GALNT13: variants seen among roughly 807,000 people sequenced by gnomAD.
GALNT13 encodes the protein polypeptide N-acetylgalactosaminyltransferase 13, also known as UDP-GalNAc:polypeptide N-acetylgalactosaminyltransferase 13.
In GALNT13, 28 loss-of-function variants were observed where a neutral mutation model predicts 64.2. That is an observed-to-expected ratio of 0.44 (90% CI 0.32 to 0.60). The LOEUF (loss-of-function observed/expected upper bound fraction) is 0.60, where lower values mean the gene tolerates loss of function less well. Among genes scored for constraint, GALNT13 ranks in the 20% least tolerant of loss-of-function variants. The pLI, the probability that GALNT13 is intolerant of heterozygous loss-of-function variation, is 0.05. For synonymous variants in GALNT13, 214 were observed against 224.6 expected (o/e 0.95, Z 0.42); for missense variants, 577 against 669.8 (o/e 0.86, Z 1.53).
At chr2:153,488,817 A>T in the GALNT13 span, among the ~76,000 whole-genome samples, 1 of 152,178 alleles carries the variant, frequency 6.6e-6, no homozygotes, top group African/African-American at 2.4e-5. Context: ...TGAGGCCCTT[A>T]AAAGGTGATT....
the GALNT13 span, among the ~76,000 whole-genome samples, chr2:153,482,600 G>T: frequency 6.6e-6 from 1 of 152,176 alleles, no homozygotes; most frequent in Non-Finnish European, 1.5e-5. Context: ...CTCCTGAGGA[G>T]CTGGGCTTAC....
At chr2:154,445,325 T>C (rs955873373) in intron 12 of GALNT13, among the ~76,000 whole-genome samples, 4 of 151,958 alleles carry the variant, frequency 2.6e-5, no homozygotes, top group African/African-American at 9.7e-5. Context: ...GCAAAATCAT[T>C]TTGTTTTTGT....
the GALNT13 span, among the ~76,000 whole-genome samples, chr2:153,487,357 C>T: frequency 8.5e-5 from 13 of 152,202 alleles, no homozygotes; most frequent in South Asian, 1.2e-3. Context: ...TGATGGATGT[C>T]GTTGGGCCAG....
At chr2:153,292,902 C>T in the GALNT13 span, among the ~76,000 whole-genome samples, 1 of 152,106 alleles carries the variant, frequency 6.6e-6, no homozygotes, top group Non-Finnish European at 1.5e-5. Context: ...TAATCACTAG[C>T]ACATTTATGC....
At chr2:154,200,735 C>T (rs1037175217) in intron 4 of GALNT13, among the ~76,000 whole-genome samples, 23 of 152,266 alleles carry the variant, frequency 1.5e-4, no homozygotes, top group African/African-American at 5.3e-4. Flanking sequence ...TACCTGATCA[C>T]CTCTTACACA....
chr2:153,478,651 G>T, the GALNT13 span: 2 of 1,133,042 alleles, frequency 1.8e-6, no homozygotes, highest in Non-Finnish European at 2.5e-6. Flanking sequence ...CGGGCTGAGC[G>T]CTCACTCGCA....
chr2:154,435,337 T>TTAGAAATATTTTAACTCA (rs1183819416), intron 11 of GALNT13, among the ~76,000 whole-genome samples: 1 of 152,154 alleles, frequency 6.6e-6, no homozygotes, highest in Non-Finnish European at 1.5e-5. Context: ...GGTGTGCAGG[T>TTAGAAATATTTTAACTCA]TAGAAATATT....
intron 4 of GALNT13, among the ~76,000 whole-genome samples, chr2:154,190,999 T>G (rs1242425302): frequency 1.3e-5 from 2 of 152,186 alleles, no homozygotes; most frequent in Non-Finnish European, 2.9e-5. Context: ...TTTCAAATGC[T>G]CAATAGCCAC....
the GALNT13 span, among the ~76,000 whole-genome samples, chr2:153,501,555 C>T: frequency 6.6e-6 from 1 of 152,128 alleles, no homozygotes; most frequent in Non-Finnish European, 1.5e-5. Context: ...TGGTCTCAAA[C>T]TCCTGACCTT....
chr2:154,284,421 T>G (rs1040634854), intron 8 of GALNT13, among the ~76,000 whole-genome samples: 1 of 152,058 alleles, frequency 6.6e-6, no homozygotes, highest in African/African-American at 2.4e-5. Context: ...CCATCCATAT[T>G]ATCACAAATA....
chr2:153,303,875 G>T, the GALNT13 span, among the ~76,000 whole-genome samples: 1 of 152,110 alleles, frequency 6.6e-6, no homozygotes, highest in African/African-American at 2.4e-5. Context: ...TGCTGCTTTT[G>T]TAGGAATTGT....
chr2:154,014,941 T>C (rs1369383054), intron 3 of GALNT13, among the ~76,000 whole-genome samples: 1 of 152,244 alleles, frequency 6.6e-6, no homozygotes. Flanking sequence ...CTCTGATAAT[T>C]CTCTTTATCT....
the GALNT13 span, among the ~76,000 whole-genome samples, chr2:153,171,398 CTAAT>C: frequency 1.3e-5 from 2 of 152,012 alleles, no homozygotes; most frequent in Non-Finnish European, 2.9e-5. Context: ...CTATATTAAA[CTAAT>C]TAACATTAAA....
At chr2:154,137,510 TATGACC>T (rs1683024220) in intron 3 of GALNT13, among the ~76,000 whole-genome samples, 2 of 152,314 alleles carry the variant, frequency 1.3e-5, no homozygotes, top group African/African-American at 4.8e-5. Context: ...GGACACTGTT[TATGACC>T]ATTTTAATTT....
At chr2:153,461,793 A>C in the GALNT13 span, among the ~76,000 whole-genome samples, 1 of 152,082 alleles carries the variant, frequency 6.6e-6, no homozygotes, top group Non-Finnish European at 1.5e-5. Flanking sequence ...GCCACAATGG[A>C]AAGATAAGAA....
At position 153,951,983 on chromosome 2, in the gene GALNT13, A is replaced by C. The variant is rs534746568; in HGVS notation, c.142+7344A>C. Among the ~76,000 whole-genome samples the C allele has an allele frequency of 9.9e-5, 15 of 152,070 alleles. No individual in the cohort carries two copies. In the East Asian group the frequency reaches 2.3e-3, roughly 24 times the overall value. Reference sequence around the variant, plus strand: ...TATTAGATACAGACCCATGAATGCTATTTGTTTTTCTGTTTTTTAAAGGAC... The same window carrying C: ...TATTAGATACAGACCCATGAATGCTCTTTGTTTTTCTGTTTTTTAAAGGAC... On this transcript the variant is annotated intron_variant, in intron 3 of 12. Coordinates refer to ENST00000392825, the MANE Select transcript of GALNT13 (RefSeq NM_052917.4).
chr2:153,369,636 T>C, the GALNT13 span, among the ~76,000 whole-genome samples: 1 of 152,194 alleles, frequency 6.6e-6, no homozygotes, highest in African/African-American at 2.4e-5. Context: ...GAGTAAAATA[T>C]TCCAGAAATC....
chr2:154,138,305 A>G (rs1683062416), intron 3 of GALNT13, among the ~76,000 whole-genome samples: 1 of 152,016 alleles, frequency 6.6e-6, no homozygotes, highest in Admixed American at 6.6e-5. Flanking sequence ...TTTTCCTATT[A>G]ATCTGTATTA....
the GALNT13 span, among the ~76,000 whole-genome samples, chr2:153,230,357 A>G: frequency 1.3e-5 from 2 of 152,232 alleles, no homozygotes; most frequent in Admixed American, 1.3e-4. Context: ...AGCATTTTTA[A>G]CTTTCAGTAC....
Sources: allele counts gnomAD v4.1 joint callset (sites outside exome capture counted in the v4.1 genomes callset), GRCh38; gene constraint gnomAD v4.1.1; transcripts MANE v1.5; gene names NCBI Gene and HGNC (gene_info 2026-07-23, HGNC 2026-07-21).